Variants in CYYR1 observed in about 807,000 individuals in gnomAD.
The protein encoded by CYYR1 is cysteine and tyrosine rich 1.
Under a neutral mutation model 15.2 loss-of-function variants are expected in CYYR1, and 14 were observed. That is an observed-to-expected ratio of 0.92 (90% CI 0.61 to 1.44). The LOEUF is 1.44. CYYR1 is among the 40% of genes most tolerant of loss of function. CYYR1 has a pLI of 0.00. For missense variants in CYYR1, 228 were observed against 209.5 expected, an observed-to-expected ratio of 1.09 and a Z score of -0.54; for synonymous variants, 80 against 77.4, an observed-to-expected ratio of 1.03 and a Z score of -0.18.
At chr21:26,564,973 TGACA>T in intron 2 of CYYR1, 1 of 305,818 alleles carries the variant, frequency 3.3e-6, no homozygotes, top group Non-Finnish European at 4.9e-6. Context: ...AAAATCATCC[TGACA>T]GTTTTCTAAT....
At chr21:26,569,749 C>T (rs1171785706) in intron 1 of CYYR1, among the ~76,000 whole-genome samples, 2 of 152,212 alleles carry the variant, frequency 1.3e-5, no homozygotes, top group Non-Finnish European at 2.9e-5. Flanking sequence ...TCTTATTAAA[C>T]TCGCCATCAA....
intron 3 of CYYR1, among the ~76,000 whole-genome samples, chr21:26,469,109 C>G (rs970734463): frequency 2.0e-5 from 3 of 152,116 alleles, no homozygotes; most frequent in African/African-American, 7.2e-5. Context: ...CAGCAGTCAA[C>G]AGAGGCAGAG....
intron 2 of CYYR1, among the ~76,000 whole-genome samples, chr21:26,539,801 T>C (rs912747202): frequency 1.4e-4 from 21 of 152,210 alleles, no homozygotes; most frequent in Admixed American, 1.3e-3. Flanking sequence ...TTTACTGTCA[T>C]TGCTTTGTGA....
chr21:26,544,099 G>A lies in CYYR1; in HGVS notation c.176+22167C>T, dbSNP rs549277826. 5.1e-3 allele frequency among the ~76,000 whole-genome samples: 778 copies of A among 152,184 alleles called. 2 individuals are homozygous for A. The highest frequency in any genetic ancestry group is 0.018 in the African/African-American group (745 of 41,538). On this transcript the variant is annotated intron_variant, in intron 2 of 3. Transcript: ENST00000652641. ...ACATACCATTTCTAACTGTCTGACA[G>A]ATACAGTGAAGAAGAATTTTAATGG... is the stretch of plus-strand genomic sequence containing the variant.
chr21:26,485,407 G>C (rs1387469344), intron 2 of CYYR1, among the ~76,000 whole-genome samples: 1 of 152,008 alleles, frequency 6.6e-6, no homozygotes, highest in Non-Finnish European at 1.5e-5. Flanking sequence ...CAGCAAGCAA[G>C]ATACAAAACT....
chr21:26,562,799 A>AACACAAAC (rs1555912083), intron 2 of CYYR1, among the ~76,000 whole-genome samples: 5 of 132,492 alleles, frequency 3.8e-5, no homozygotes, highest in Admixed American at 3.8e-4. Context: ...GACATACACA[A>AACACAAAC]ACACACACAC....
At chr21:26,517,531 G>A (rs2123545514) in intron 2 of CYYR1, among the ~76,000 whole-genome samples, 1 of 152,274 alleles carries the variant, frequency 6.6e-6, no homozygotes, top group South Asian at 2.1e-4. Context: ...GGAATGGGGA[G>A]GAGAATTCCA....
At chr21:26,470,246 G>A (rs2065018011) in intron 3 of CYYR1, among the ~76,000 whole-genome samples, 1 of 152,120 alleles carries the variant, frequency 6.6e-6, no homozygotes, top group African/African-American at 2.4e-5. Context: ...AATTGCTTTT[G>A]CAAACGAACC....
At chr21:26,510,252 A>T (rs1036348678) in intron 2 of CYYR1, among the ~76,000 whole-genome samples, 1 of 152,224 alleles carries the variant, frequency 6.6e-6, no homozygotes, top group Admixed American at 6.5e-5. Flanking sequence ...CTGCCCAGAT[A>T]AGATAAAATG....
At chr21:26,504,045 T>A (rs1176302421) in intron 2 of CYYR1, among the ~76,000 whole-genome samples, 3 of 152,094 alleles carry the variant, frequency 2.0e-5, no homozygotes, top group Non-Finnish European at 2.9e-5. Flanking sequence ...GAATAGTGGA[T>A]GAGAGGAGAC....
intron 2 of CYYR1, chr21:26,483,336 A>G: frequency 2.1e-6 from 1 of 472,158 alleles, no homozygotes; most frequent in Non-Finnish European, 2.7e-6. Context: ...GTTCTTTTTT[A>G]TTGATTGTTC....
intron 2 of CYYR1, chr21:26,550,603 C>T (rs1397444418): frequency 6.6e-6 from 1 of 152,182 alleles, no homozygotes; most frequent in African/African-American, 2.4e-5. Flanking sequence ...CAAAAGTGAT[C>T]TGGGTAGAAG....
chr21:26,545,444 A>G lies in CYYR1; in HGVS notation c.176+20822T>C, dbSNP rs114285843. 4.7e-3 allele frequency among the ~76,000 whole-genome samples: 716 copies of G among 152,154 alleles called. 8 individuals are homozygous for G. Among genetic ancestry groups the G allele is most frequent in the African/African-American group, 0.017 (694 of 41,496 alleles). On this transcript the variant is annotated intron_variant, in intron 2 of 3. Transcript: ENST00000652641. ...AGGCTTCTTCGTCTTCTTTTCTCAT[A>G]GAAAGATAATAATAAGCAACCTGAA... is the stretch of plus-strand genomic sequence containing the variant.
intron 3 of CYYR1, among the ~76,000 whole-genome samples, chr21:26,473,540 A>G (rs1346815105): frequency 6.6e-6 from 1 of 151,938 alleles, no homozygotes; most frequent in Admixed American, 6.6e-5. Context: ...TTGCACATCG[A>G]TTTGTTAATT....
rs530440578 is a variant in CYYR1 at position 26,466,308 on chromosome 21, T to G, written c.*2193A>C. On this transcript the variant is annotated 3_prime_UTR_variant, in exon 4 of 4. Transcript: ENST00000652641. Reference sequence around the variant, plus strand: ...TTTAAATAACCGTAATTCAAAACTTTCACATCCTATACTATTTTTCCCCAA... The same window carrying G: ...TTTAAATAACCGTAATTCAAAACTTGCACATCCTATACTATTTTTCCCCAA... The G allele has an allele frequency of 6.6e-6, 1 of 152,186 alleles. No homozygotes were observed. The highest frequency in any genetic ancestry group is 2.1e-4 in the South Asian group (1 of 4,820). The allele number at this position is 152,186 out of a possible 1,614,324, so 9.4% of individuals were successfully genotyped here.
In CYYR1 at chr21:26,539,065, C is replaced by T. The variant is rs189444777; in HGVS notation, c.176+27201G>A. On this transcript the variant is annotated intron_variant, in intron 2 of 3. Coordinates refer to ENST00000652641, the MANE Select transcript of CYYR1 (RefSeq NM_001320768.2). The stretch of plus-strand genomic sequence containing the variant: ...GAAAACAACTGTGATTTTTATTGGT[C>T]ACAAAGTCACAGGTACCAATTATAC... 1.4e-4 allele frequency among the ~76,000 whole-genome samples: 21 copies of T among 152,122 alleles called. No homozygotes were observed. In the East Asian group the frequency reaches 3.9e-3, roughly 28 times the overall value.
At chr21:26,529,002 C>T (rs2065897938) in intron 2 of CYYR1, among the ~76,000 whole-genome samples, 1 of 152,186 alleles carries the variant, frequency 6.6e-6, no homozygotes, top group South Asian at 2.1e-4. Flanking sequence ...TAGAAGCAAA[C>T]AAAGGGCCAC....
chr21:26,559,830 C>A (rs1980076922), intron 2 of CYYR1, among the ~76,000 whole-genome samples: 1 of 152,156 alleles, frequency 6.6e-6, no homozygotes, highest in South Asian at 2.1e-4. Context: ...CAATATCACA[C>A]AATTTCTTTT....
chr21:26,572,368 T>C lies in CYYR1; in HGVS notation c.73+500A>G, dbSNP rs931311052. ...TCTAAATCAACGAACCTGTACAGAT[T>C]AGACCCTGGGTGAATTCATGCTTCT... On this transcript the variant is annotated intron_variant, in intron 1 of 3. Transcript: ENST00000652641. Among the ~76,000 whole-genome samples the C allele has an allele frequency of 2.6e-5, 4 of 152,218 alleles. No homozygotes were observed. In the South Asian group the frequency reaches 6.2e-4, roughly 24 times the overall value.
Sources: gnomAD v4.1 joint callset for allele counts (sites outside exome capture counted in the v4.1 genomes callset) on GRCh38, gnomAD v4.1.1 for gene constraint, MANE v1.5 for transcripts, NCBI Gene and HGNC (gene_info 2026-07-23, HGNC 2026-07-21) for gene names.